Variants in PCNX1 observed in about 807,000 individuals in gnomAD.
The protein encoded by PCNX1 is pecanex-like protein 1.
PCNX1 carries 78 observed loss-of-function variants against 242.2 expected under a neutral mutation model. That is an observed-to-expected ratio of 0.32 (90% CI 0.27 to 0.39). The LOEUF is 0.39. PCNX1 is among the 10% of genes least tolerant of loss of function. The probability of loss-of-function intolerance (pLI) is 1.00; values close to 1 mark genes in which losing one functional copy is unlikely to be tolerated. For synonymous variants in PCNX1, 1,024 were observed against 1,032.9 expected (o/e 0.99, Z 0.17); for missense variants, 2,581 against 2,856.5 (o/e 0.90, Z 2.20).
At chr14:71,086,006 T>C (rs1003438674) in intron 28 of PCNX1, among the ~76,000 whole-genome samples, 3 of 152,230 alleles carry the variant, frequency 2.0e-5, no homozygotes, top group African/African-American at 7.2e-5. Flanking sequence ...TCATTTATTT[T>C]CAGTCTTTTT....
At chr14:71,088,503 A>C (rs922868881) in intron 29 of PCNX1, 73 bp downstream of exon 29, 3 of 834,802 alleles carry the variant, frequency 3.6e-6, no homozygotes, top group Admixed American at 2.0e-5. Flanking sequence ...ATGATTTTTC[A>C]TGGACGCATG....
intron 27 of PCNX1, 63 bp downstream of exon 27, chr14:71,073,861 ATAAG>A: frequency 5.8e-6 from 7 of 1,210,560 alleles, no homozygotes; most frequent in South Asian, 1.8e-5. Flanking sequence ...AATGACATAT[ATAAG>A]TATATATATA....
At chr14:70,941,776 C>T (rs185113497) in intron 1 of PCNX1, among the ~76,000 whole-genome samples, 1 of 152,320 alleles carries the variant, frequency 6.6e-6, no homozygotes, top group African/African-American at 2.4e-5. Context: ...CGGTGAGCTT[C>T]ACCCAGTTAG....
intron 35 of PCNX1, 65 bp from the exon 36 acceptor site, chr14:71,109,730 G>C: frequency 6.3e-7 from 1 of 1,579,924 alleles, no homozygotes; most frequent in Non-Finnish European, 8.7e-7. Flanking sequence ...CTAGGTAGGG[G>C]TAAGAGTTTG....
At chr14:71,097,037 T>G (rs866485433) in intron 30 of PCNX1, among the ~76,000 whole-genome samples, 2 of 152,264 alleles carry the variant, frequency 1.3e-5, no homozygotes, top group Middle Eastern at 3.4e-3. Flanking sequence ...GGCAGCTCCA[T>G]TAGCTAAAGG....
In PCNX1 at chr14:70,994,409, A is replaced by G. The variant is rs932266564; in HGVS notation, c.2445-1332A>G. 5.1e-4 allele frequency among the ~76,000 whole-genome samples: 50 copies of G among 98,948 alleles called. 1 individual carries two copies. The highest frequency in any genetic ancestry group is 9.0e-4 in the Non-Finnish European group (42 of 46,650). The allele number at this position is 98,948 out of a possible 152,430, so 64.9% of individuals were successfully genotyped here. On this transcript the variant is annotated intron_variant, in intron 7 of 35. Coordinates refer to ENST00000304743, the MANE Select transcript of PCNX1 (RefSeq NM_014982.3). ...CCACAGGCTTAAGATATATATATAT[A>G]TATATATATATATATATATATGTAT...
At chr14:70,949,282 T>TACACACACGTGTATAC (rs1555345924) in intron 2 of PCNX1, among the ~76,000 whole-genome samples, 3 of 48,268 alleles carry the variant, frequency 6.2e-5, no homozygotes, top group East Asian at 6.2e-4. Context: ...CACACGTGTA[T>TACACACACGTGTATAC]ACACACACGT....
At chr14:71,018,509 C>T (rs1002634348) in intron 11 of PCNX1, among the ~76,000 whole-genome samples, 1 of 152,064 alleles carries the variant, frequency 6.6e-6, no homozygotes, top group African/African-American at 2.4e-5. Context: ...AGTGAGTTTT[C>T]TAATTCTTTC....
chr14:70,926,942 A>G (rs774248549), intron 1 of PCNX1, among the ~76,000 whole-genome samples: 1 of 152,196 alleles, frequency 6.6e-6, no homozygotes, highest in Non-Finnish European at 1.5e-5. Flanking sequence ...GAGACAGTAT[A>G]GTTTAGTGCT....
chr14:70,954,145 C>T (rs2057900403), intron 2 of PCNX1, among the ~76,000 whole-genome samples: 1 of 151,900 alleles, frequency 6.6e-6, no homozygotes, highest in African/African-American at 2.4e-5. Flanking sequence ...TCTGATTTAC[C>T]CAGTATTTGT....
At chr14:71,019,866 T>C (rs1027571809) in intron 12 of PCNX1, among the ~76,000 whole-genome samples, 4 of 151,760 alleles carry the variant, frequency 2.6e-5, no homozygotes, top group Admixed American at 1.3e-4. Context: ...CATCCCACCA[T>C]GCATCCCACC....
At position 71,050,673 on chromosome 14, in the gene PCNX1, T is replaced by C. The variant is rs770567653; in HGVS notation, c.4360T>C (p.Leu1454=). The change falls in exon 23 of 36, where the codon TTG becomes CTG. Residue 1454 remains leucine (L), a synonymous_variant. Coordinates refer to ENST00000304743, the MANE Select transcript of PCNX1 (RefSeq NM_014982.3). ...FNKLWELLYK[L]QFVYTYIAPW... is the part of the protein sequence containing the mutation. ...GCAGCTTTGGGAACTACTTTATAAA[T>C]TGCAGTTTGTGTATACCTATATTGC... 1.9e-6 allele frequency: 3 copies of C among 1,606,806 alleles called. No homozygotes were observed. Among genetic ancestry groups the C allele is most frequent in the Non-Finnish European group, 2.5e-6 (3 of 1,176,666 alleles).
intron 32 of PCNX1, among the ~76,000 whole-genome samples, chr14:71,104,993 T>C (rs1414847670): frequency 2.0e-5 from 3 of 152,230 alleles, no homozygotes; most frequent in Non-Finnish European, 4.4e-5. Context: ...TTCTTTATTA[T>C]GGTGCAGGAC....
chr14:71,091,623 GTTTAT>G (rs540258270), intron 30 of PCNX1, among the ~76,000 whole-genome samples: 292 of 152,198 alleles, frequency 1.9e-3, no homozygotes, highest in African/African-American at 6.7e-3. Flanking sequence ...ATAGATACTA[GTTTAT>G]TTTATTATTT....
At chr14:71,034,350 A>G (rs1000279848) in intron 18 of PCNX1, among the ~76,000 whole-genome samples, 3 of 152,154 alleles carry the variant, frequency 2.0e-5, no homozygotes, top group African/African-American at 2.4e-5. Flanking sequence ...AAAGATTAGC[A>G]TTAACACAAA....
At chr14:71,019,685 C>T (rs778787925) in intron 12 of PCNX1, among the ~76,000 whole-genome samples, 1 of 152,124 alleles carries the variant, frequency 6.6e-6, no homozygotes, top group Non-Finnish European at 1.5e-5. Flanking sequence ...CAGGCATGAG[C>T]CACTGCGCCT....
At chr14:70,913,964 T>G (rs1566813876) in intron 1 of PCNX1, among the ~76,000 whole-genome samples, 1 of 152,190 alleles carries the variant, frequency 6.6e-6, no homozygotes, top group Non-Finnish European at 1.5e-5. Flanking sequence ...TTTACCAGTA[T>G]TTTCAATATT....
intron 19 of PCNX1, among the ~76,000 whole-genome samples, chr14:71,042,717 A>C (rs1427532771): frequency 2.0e-5 from 3 of 152,054 alleles, no homozygotes; most frequent in Non-Finnish European, 4.4e-5. Context: ...TAAGCCATTT[A>C]CATTCAGGGT....
At chr14:70,994,427 A>ATATATATG (rs930212552) in intron 7 of PCNX1, among the ~76,000 whole-genome samples, 37 of 88,704 alleles carry the variant, frequency 4.2e-4, no homozygotes, top group East Asian at 2.2e-3. Flanking sequence ...ATATATATAT[A>ATATATATG]TATGTATGTA....
Sources: gnomAD v4.1 joint callset for allele counts (sites outside exome capture counted in the v4.1 genomes callset) on GRCh38, gnomAD v4.1.1 for gene constraint, MANE v1.5 for transcripts, NCBI Gene and HGNC (gene_info 2026-07-23, HGNC 2026-07-21) for gene names.